The following KCNAB1 variants were observed in gnomAD, a reference collection of about 807,000 sequenced individuals.
KCNAB1 encodes voltage-gated potassium channel subunit beta-1.
KCNAB1 carries 35 observed loss-of-function variants against 64.6 expected under a neutral mutation model. The ratio of observed to expected loss-of-function variants is 0.54; its 90% CI spans 0.41 to 0.72. The LOEUF (loss-of-function observed/expected upper bound fraction) is 0.72. Ranked by LOEUF, KCNAB1 falls within the 30% of genes least tolerant of loss-of-function variation. The pLI is 0.00. For synonymous variants in KCNAB1, 177 were observed against 183.8 expected, an observed-to-expected ratio of 0.96 and a Z score of 0.30; for missense variants, 401 against 512.9, an observed-to-expected ratio of 0.78 and a Z score of 2.11.
intron 8 of KCNAB1, among the ~76,000 whole-genome samples, chr3:156,485,715 T>C (rs1284199115): frequency 6.6e-6 from 1 of 152,074 alleles, no homozygotes; most frequent in East Asian, 1.9e-4. Flanking sequence ...TTGTACCCAA[T>C]AGGGAGTTTC....
In KCNAB1 at chr3:156,264,268, C is replaced by A. The variant is rs549172168; in HGVS notation, c.275+143382C>A. Among the ~76,000 whole-genome samples the A allele has an allele frequency of 5.3e-5, 8 of 151,870 alleles. No homozygotes were observed. In the South Asian group the frequency reaches 1.7e-3, roughly 32 times the overall value. ...GTCTATCTTTTTACAATATTTTTTT[C>A]AACTTATATTTTTCGTTGAATCTAA... On this transcript the variant is annotated intron_variant, in intron 1 of 13. Transcript: ENST00000490337.
At chr3:156,290,883 C>T in intron 1 of KCNAB1, 1 of 865,338 alleles carries the variant, frequency 1.2e-6, no homozygotes, top group Non-Finnish European at 1.4e-6. Context: ...CCAAACTTAT[C>T]TGCTTAAGAA....
intron 1 of KCNAB1, among the ~76,000 whole-genome samples, chr3:156,404,169 CT>C (rs1714089812): frequency 1.3e-5 from 2 of 152,156 alleles, no homozygotes; most frequent in East Asian, 1.9e-4. Context: ...TTCCTAGTAC[CT>C]TTTTTTGGCC....
chr3:156,231,054 G>T (rs1326249243), intron 1 of KCNAB1, among the ~76,000 whole-genome samples: 2 of 152,104 alleles, frequency 1.3e-5, no homozygotes, highest in Non-Finnish European at 2.9e-5. Flanking sequence ...TCCTCCTCTT[G>T]CTCTGGTGCA....
At chr3:156,428,488 T>TACAC (rs4056995) in intron 2 of KCNAB1, among the ~76,000 whole-genome samples, 5,084 of 127,476 alleles carry the variant, frequency 0.04, 123 homozygotes, top group African/African-American at 0.054. Context: ...AATTCCTCTA[T>TACAC]ACACACACAC....
At chr3:156,342,159 G>A (rs552197942) in intron 1 of KCNAB1, among the ~76,000 whole-genome samples, 103 of 152,300 alleles carry the variant, frequency 6.8e-4, no homozygotes, top group Middle Eastern at 3.4e-3. Flanking sequence ...CAAAGAAAGC[G>A]TGAGTGTGGG....
intron 1 of KCNAB1, among the ~76,000 whole-genome samples, chr3:156,360,396 C>T (rs1725524913): frequency 6.6e-6 from 1 of 152,128 alleles, no homozygotes; most frequent in Non-Finnish European, 1.5e-5. Flanking sequence ...GATAATTTTT[C>T]CTCATGCTTC....
At chr3:156,483,263 G>C (rs1007775260) in intron 8 of KCNAB1, among the ~76,000 whole-genome samples, 1 of 152,134 alleles carries the variant, frequency 6.6e-6, no homozygotes, top group Non-Finnish European at 1.5e-5. Flanking sequence ...GCCATGACCT[G>C]TAGCTCATCA....
chr3:156,395,884 C>G (rs1021598580), intron 1 of KCNAB1, among the ~76,000 whole-genome samples: 7 of 152,258 alleles, frequency 4.6e-5, no homozygotes, highest in African/African-American at 1.7e-4. Context: ...AAGCAGCCAC[C>G]TTCCTTACTA....
At chr3:156,515,581 T>G (rs1717503897) in intron 10 of KCNAB1, among the ~76,000 whole-genome samples, 1 of 152,154 alleles carries the variant, frequency 6.6e-6, no homozygotes, top group Non-Finnish European at 1.5e-5. Flanking sequence ...TCAAAAAAAA[T>G]CATGGATATA....
In KCNAB1 at chr3:156,374,144, C is replaced by A. The variant is rs535540020; in HGVS notation, c.276-47472C>A. On this transcript the variant is annotated intron_variant, in intron 1 of 13. Coordinates refer to ENST00000490337, the MANE Select transcript of KCNAB1 (RefSeq NM_172160.3). ...TGGGTTAGATCTTACATGTCCTCTA[C>A]TCCATAGGGAGTGACCAGGCGCCAG... is the stretch of plus-strand genomic sequence containing the variant. Among the ~76,000 whole-genome samples, 665 of 152,310 alleles carry A rather than the reference C, an allele frequency of 4.4e-3. 1 individual carries two copies. The highest frequency in any genetic ancestry group is 0.01 in the Middle Eastern group (3 of 294).
intron 1 of KCNAB1, among the ~76,000 whole-genome samples, chr3:156,419,056 G>T (rs1715286121): frequency 3.3e-5 from 5 of 152,164 alleles, no homozygotes; most frequent in Admixed American, 1.3e-4. Context: ...TTTGCTGACA[G>T]TTCTCATGTT....
chr3:156,469,248 C>CTTTTTTTTTTT (rs34567814), intron 7 of KCNAB1, among the ~76,000 whole-genome samples: 59 of 72,964 alleles, frequency 8.1e-4, no homozygotes, highest in Non-Finnish European at 1.1e-3. Flanking sequence ...TTCTTTCTTT[C>CTTTTTTTTTTT]TTTTTTTTTT....
intron 1 of KCNAB1, among the ~76,000 whole-genome samples, chr3:156,244,997 C>A (rs1717370813): frequency 6.6e-6 from 1 of 152,198 alleles, no homozygotes; most frequent in African/African-American, 2.4e-5. Flanking sequence ...CAAGGTCAGG[C>A]AAAGGGGAGA....
chr3:156,466,877 T>A (rs1370041733), intron 7 of KCNAB1, among the ~76,000 whole-genome samples: 1 of 152,130 alleles, frequency 6.6e-6, no homozygotes, highest in Non-Finnish European at 1.5e-5. Context: ...TATCAAACTT[T>A]ACACTTATAC....
At chr3:156,439,029 CAA>C (rs34019255) in intron 2 of KCNAB1, among the ~76,000 whole-genome samples, 99,765 of 148,900 alleles carry the variant, frequency 0.67, 33,347 homozygotes, top group East Asian at 0.76. Context: ...AAACAAAAAA[CAA>C]AAAAAAAAAA....
At chr3:156,473,223 G>A (rs1714065381) in intron 7 of KCNAB1, among the ~76,000 whole-genome samples, 1 of 152,176 alleles carries the variant, frequency 6.6e-6, no homozygotes, top group African/African-American at 2.4e-5. Flanking sequence ...TCTCCCAGGA[G>A]CAGCAATTCT....
chr3:156,489,978 G>A (rs1715517634), intron 8 of KCNAB1, among the ~76,000 whole-genome samples: 1 of 152,090 alleles, frequency 6.6e-6, no homozygotes, highest in Non-Finnish European at 1.5e-5. Flanking sequence ...ATGTCCCCAG[G>A]TCTGCAGTCA....
intron 1 of KCNAB1, among the ~76,000 whole-genome samples, chr3:156,172,203 G>A (rs1712044314): frequency 6.6e-6 from 1 of 152,086 alleles, no homozygotes; most frequent in Non-Finnish European, 1.5e-5. Flanking sequence ...CCTCTGGTGG[G>A]GGATGTGTGA....
Sources: gnomAD v4.1 joint callset for allele counts (sites outside exome capture counted in the v4.1 genomes callset) on GRCh38, gnomAD v4.1.1 for gene constraint, MANE v1.5 for transcripts, NCBI Gene and HGNC (gene_info 2026-07-23, HGNC 2026-07-21) for gene names.